Variants in ASAP1 observed in about 807,000 individuals in gnomAD.
ASAP1 encodes arf-GAP with SH3 domain, ANK repeat and PH domain-containing protein 1.
In ASAP1, 43 loss-of-function variants were observed where a neutral mutation model predicts 145.2. The observed-to-expected ratio is 0.30, with a 90% CI of 0.23 to 0.38. The LOEUF (loss-of-function observed/expected upper bound fraction) is 0.38. Ranked by LOEUF, ASAP1 falls within the 10% of genes least tolerant of loss-of-function variation. The pLI, the probability that ASAP1 is intolerant of heterozygous loss-of-function variation, is 1.00. For missense variants in ASAP1, 1,018 were observed against 1,355.3 expected, an observed-to-expected ratio of 0.75 and a Z score of 3.91; for synonymous variants, 546 against 515.5, an observed-to-expected ratio of 1.06 and a Z score of -0.80.
intron 2 of ASAP1, among the ~76,000 whole-genome samples, chr8:130,382,854 A>G (rs2138407033): frequency 6.6e-6 from 1 of 151,696 alleles, no homozygotes; most frequent in African/African-American, 2.4e-5. Flanking sequence ...CCAAAAAAAA[A>G]GAAAAGAAAA....
intron 5 of ASAP1, among the ~76,000 whole-genome samples, chr8:130,205,008 G>A (rs1816112209): frequency 6.6e-6 from 1 of 152,192 alleles, no homozygotes; most frequent in Admixed American, 6.5e-5. Flanking sequence ...GGCTGTGAGG[G>A]TGAGACCAGC....
chr8:130,302,594 G>A (rs1177510721), intron 3 of ASAP1, among the ~76,000 whole-genome samples: 3 of 152,210 alleles, frequency 2.0e-5, no homozygotes, highest in Non-Finnish European at 4.4e-5. Flanking sequence ...CATCTGCTGG[G>A]AGCACTAGAT....
At chr8:130,343,670 G>A (rs1247776261) in intron 3 of ASAP1, among the ~76,000 whole-genome samples, 1 of 152,176 alleles carries the variant, frequency 6.6e-6, no homozygotes, top group East Asian at 1.9e-4. Flanking sequence ...ATCAACACTA[G>A]AGCAGAATAT....
chr8:130,220,193 G>C (rs1026689406), intron 4 of ASAP1, among the ~76,000 whole-genome samples: 10 of 152,108 alleles, frequency 6.6e-5, no homozygotes, highest in Non-Finnish European at 1.3e-4. Flanking sequence ...ACCAGAAAAG[G>C]CCACTTCATC....
intron 2 of ASAP1, among the ~76,000 whole-genome samples, chr8:130,381,792 C>A (rs547273275): frequency 6.6e-6 from 1 of 152,262 alleles, no homozygotes; most frequent in Non-Finnish European, 1.5e-5. Flanking sequence ...CTGGAACACA[C>A]CCCCCTGAGG....
chr8:130,321,807 A>G (rs1215875195), intron 3 of ASAP1, among the ~76,000 whole-genome samples: 1 of 152,224 alleles, frequency 6.6e-6, no homozygotes, highest in Non-Finnish European at 1.5e-5. Context: ...CCACCATCAC[A>G]TAAAACCCAG....
intron 1 of ASAP1, among the ~76,000 whole-genome samples, chr8:130,423,904 A>C (rs1412286680): frequency 6.6e-6 from 1 of 151,730 alleles, no homozygotes; most frequent in Non-Finnish European, 1.5e-5. Context: ...CTGGGGGAGG[A>C]GAATTGGGAA....
chr8:130,440,621 T>C (rs904326879), intron 1 of ASAP1, among the ~76,000 whole-genome samples: 1 of 151,864 alleles, frequency 6.6e-6, no homozygotes, highest in Non-Finnish European at 1.5e-5. Flanking sequence ...GGCTGTGTGA[T>C]CTCGTCCCTG....
At chr8:130,406,465 T>C (rs533609869) in intron 1 of ASAP1, among the ~76,000 whole-genome samples, 188 of 151,776 alleles carry the variant, frequency 1.2e-3, no homozygotes, top group Non-Finnish European at 2.3e-3. Context: ...TATCCTTTCA[T>C]ACTTTAGTTC....
intron 12 of ASAP1, among the ~76,000 whole-genome samples, chr8:130,153,360 TATATATATATATATATATATATA>T: frequency 2.4e-5 from 1 of 41,144 alleles, no homozygotes; most frequent in South Asian, 1.5e-3. Context: ...TATATATATG[TATATATATATATATATATATATA>T]TTTTGAGACA....
Position 130,283,248 on chromosome 8 carries a change from G to A in ASAP1, c.187-46254C>T, listed in dbSNP as rs117828165. Among the ~76,000 whole-genome samples, 523 of 152,160 alleles carry A rather than the reference G, an allele frequency of 3.4e-3. 9 individuals carry two copies. Among genetic ancestry groups the A allele is most frequent in the East Asian group, 0.027 (140 of 5,176 alleles). Reference sequence around the variant, plus strand: ...CATCTGGACTTAGCCTTAAAAGAAGGCAGGATGCCAGGAAACAAACAAACA... The same window carrying A: ...CATCTGGACTTAGCCTTAAAAGAAGACAGGATGCCAGGAAACAAACAAACA... On this transcript the variant is annotated intron_variant, in intron 3 of 29. Transcript: ENST00000518721.
chr8:130,097,860 C>A (rs7003309), intron 24 of ASAP1, among the ~76,000 whole-genome samples: 105,165 of 152,016 alleles, frequency 0.69, 36,426 homozygotes, highest in South Asian at 0.78. Context: ...ATATCTCCCC[C>A]AACAGTACTC....
At chr8:130,365,338 C>T (rs182345052) in intron 2 of ASAP1, among the ~76,000 whole-genome samples, 7 of 152,316 alleles carry the variant, frequency 4.6e-5, no homozygotes, top group Non-Finnish European at 8.8e-5. Flanking sequence ...GTTGGGGTCC[C>T]TTGTGGGCCC....
chr8:130,300,184 A>AGAGAGAGAGAGAGAGAGAGAGCGAGC (rs761456724), intron 3 of ASAP1, among the ~76,000 whole-genome samples: 1 of 140,288 alleles, frequency 7.1e-6, no homozygotes, highest in Non-Finnish European at 1.5e-5. Flanking sequence ...AGAGAGAGAG[A>AGAGAGAGAGAGAGAGAGAGAGCGAGC]GAGCGAGCGA....
At chr8:130,262,974 C>G (rs1404464218) in intron 3 of ASAP1, among the ~76,000 whole-genome samples, 1 of 152,136 alleles carries the variant, frequency 6.6e-6, no homozygotes, top group East Asian at 1.9e-4. Context: ...CAAAAGTTAC[C>G]CTTAACCCCT....
intron 3 of ASAP1, among the ~76,000 whole-genome samples, chr8:130,238,633 T>A (rs1054147981): frequency 2.0e-5 from 3 of 152,156 alleles, no homozygotes; most frequent in Non-Finnish European, 4.4e-5. Context: ...ATATACACTT[T>A]CAAATATTTT....
In ASAP1 at chr8:130,311,990, G is replaced by A. The variant is rs147908174; in HGVS notation, c.186+46027C>T. On this transcript the variant is annotated intron_variant, in intron 3 of 29. Transcript: ENST00000518721. ...CGAATTCAGCCTAGAACATGTAGGT[G>A]CAAATATACTCTTGTTCACCTCATT... Among the ~76,000 whole-genome samples the A allele has an allele frequency of 1.5e-3, 234 of 152,152 alleles. 1 individual carries two copies. Among genetic ancestry groups the A allele is most frequent in the Non-Finnish European group, 2.7e-3 (185 of 68,004 alleles).
chr8:130,136,205 A>G (rs2097594328), intron 14 of ASAP1, among the ~76,000 whole-genome samples: 1 of 152,202 alleles, frequency 6.6e-6, no homozygotes, highest in African/African-American at 2.4e-5. Flanking sequence ...CATAGGAATC[A>G]GTACAAGCAC....
At chr8:130,211,397 G>A (rs2136401077) in intron 5 of ASAP1, among the ~76,000 whole-genome samples, 1 of 152,118 alleles carries the variant, frequency 6.6e-6, no homozygotes, top group African/African-American at 2.4e-5. Flanking sequence ...TCACTTGATC[G>A]TACTTTCTAT....
Sources: allele counts gnomAD v4.1 joint callset (sites outside exome capture counted in the v4.1 genomes callset), GRCh38; gene constraint gnomAD v4.1.1; transcripts MANE v1.5; gene names NCBI Gene and HGNC (gene_info 2026-07-23, HGNC 2026-07-21).